Variants in B3GALT1 observed in about 807,000 individuals in gnomAD.
B3GALT1 encodes UDP-Gal:betaGlcNAc beta 1,3-galactosyltransferase, polypeptide 1.
Under a neutral mutation model 23.2 loss-of-function variants are expected in B3GALT1, and 10 were observed. The ratio of observed to expected loss-of-function variants is 0.43; its 90% confidence interval spans 0.27 to 0.73. The LOEUF is 0.73. B3GALT1 is among the 30% of genes least tolerant of loss of function. The probability of loss-of-function intolerance (pLI) is 0.21; values close to 1 mark genes in which losing one functional copy is unlikely to be tolerated. For missense variants in B3GALT1, 299 were observed against 405.4 expected, an observed-to-expected ratio of 0.74 and a Z score of 2.25; for synonymous variants, 156 against 141.5, an observed-to-expected ratio of 1.10 and a Z score of -0.73.
chr2:167,688,135 C>A (rs541507499), intron 3 of B3GALT1, among the ~76,000 whole-genome samples: 1 of 152,200 alleles, frequency 6.6e-6, no homozygotes, highest in South Asian at 2.1e-4. Flanking sequence ...ATATCAGATA[C>A]ACTTGGATTC....
intron 2 of B3GALT1, among the ~76,000 whole-genome samples, chr2:167,542,152 ACTTAT>A (rs1464112553): frequency 2.0e-5 from 3 of 151,898 alleles, no homozygotes; most frequent in Non-Finnish European, 4.4e-5. Context: ...TAAATGTTTC[ACTTAT>A]CTTGTATAAA....
intron 1 of B3GALT1, among the ~76,000 whole-genome samples, chr2:167,356,320 A>G (rs1697403207): frequency 6.6e-6 from 1 of 152,238 alleles, no homozygotes; most frequent in African/African-American, 2.4e-5. Context: ...GCCCTTGGCC[A>G]TAATTTGAAG....
At chr2:167,629,850 T>C (rs1297664162) in intron 2 of B3GALT1, among the ~76,000 whole-genome samples, 2 of 151,758 alleles carry the variant, frequency 1.3e-5, no homozygotes. Context: ...AGCTGACCTT[T>C]TGTGGTGACA....
At chr2:167,341,975 C>G (rs901254154) in intron 1 of B3GALT1, among the ~76,000 whole-genome samples, 1 of 152,144 alleles carries the variant, frequency 6.6e-6, no homozygotes. Flanking sequence ...CATTACTTGC[C>G]TGGCCGGACC....
intron 2 of B3GALT1, among the ~76,000 whole-genome samples, chr2:167,644,732 A>G (rs905146008): frequency 6.8e-6 from 1 of 147,382 alleles, no homozygotes; most frequent in Non-Finnish European, 1.5e-5. Context: ...GTGAGCCAAG[A>G]TCGCACCACT....
chr2:167,670,165 A>T (rs1247850331), intron 3 of B3GALT1, among the ~76,000 whole-genome samples: 4 of 152,226 alleles, frequency 2.6e-5, no homozygotes, highest in African/African-American at 9.6e-5. Flanking sequence ...GCATGAGTTC[A>T]TACAGACAGG....
At chr2:167,513,460 G>C (rs1010368760) in intron 2 of B3GALT1, among the ~76,000 whole-genome samples, 2 of 152,114 alleles carry the variant, frequency 1.3e-5, no homozygotes, top group African/African-American at 4.8e-5. Context: ...ACATTTTTGA[G>C]ACAATATGGA....
chr2:167,421,320 T>C (rs1698543992), intron 1 of B3GALT1, among the ~76,000 whole-genome samples: 1 of 152,186 alleles, frequency 6.6e-6, no homozygotes, highest in Non-Finnish European at 1.5e-5. Flanking sequence ...CTTTCCATTA[T>C]CACAAAAAGT....
At chr2:167,753,173 T>C (rs779661989) in intron 3 of B3GALT1, among the ~76,000 whole-genome samples, 3 of 152,222 alleles carry the variant, frequency 2.0e-5, no homozygotes, top group Non-Finnish European at 4.4e-5. Context: ...TTTAGGATTA[T>C]GAGCAGTACT....
At chr2:167,835,656 T>C (rs1290454804) in intron 4 of B3GALT1, among the ~76,000 whole-genome samples, 1 of 152,236 alleles carries the variant, frequency 6.6e-6, no homozygotes, top group East Asian at 1.9e-4. Context: ...TAAATGTCCC[T>C]GTCTGACAGC....
At chr2:167,820,109 C>T (rs892721519) in intron 4 of B3GALT1, among the ~76,000 whole-genome samples, 2 of 152,002 alleles carry the variant, frequency 1.3e-5, no homozygotes, top group African/African-American at 4.8e-5. Flanking sequence ...TATATGAAGC[C>T]GATTGGGTAC....
chr2:167,343,180 T>G (rs1315191311), intron 1 of B3GALT1, among the ~76,000 whole-genome samples: 1 of 152,130 alleles, frequency 6.6e-6, no homozygotes, highest in African/African-American at 2.4e-5. Flanking sequence ...ATGGAAATAG[T>G]AACCAGGGAA....
intron 3 of B3GALT1, chr2:167,714,710 T>C (rs1164922798): frequency 6.2e-7 from 1 of 1,613,798 alleles, no homozygotes; most frequent in Non-Finnish European, 8.5e-7. Context: ...GGAAATAACC[T>C]GCTTTTGATA....
intron 4 of B3GALT1, among the ~76,000 whole-genome samples, chr2:167,853,676 G>T (rs1043631730): frequency 1.3e-5 from 2 of 152,134 alleles, no homozygotes; most frequent in Non-Finnish European, 2.9e-5. Context: ...ATAACAAGTT[G>T]TCAGCATGTC....
chr2:167,561,585 A>C (rs1574138312), intron 2 of B3GALT1, among the ~76,000 whole-genome samples: 1 of 152,170 alleles, frequency 6.6e-6, no homozygotes, highest in Admixed American at 6.5e-5. Context: ...AAAAAGAGAG[A>C]AGAATCAAAT....
intron 3 of B3GALT1, among the ~76,000 whole-genome samples, chr2:167,764,915 G>C (rs1472673987): frequency 1.6e-4 from 24 of 152,108 alleles, no homozygotes. Context: ...CAGAGAAAAG[G>C]AGGTTCGGGA....
chr2:167,562,959 G>T (rs1344234633), intron 2 of B3GALT1, among the ~76,000 whole-genome samples: 2 of 152,102 alleles, frequency 1.3e-5, no homozygotes, highest in African/African-American at 4.8e-5. Flanking sequence ...AGAGCACAGG[G>T]TTGGGGGCAA....
chr2:167,486,094 G>T (rs1191340584), intron 1 of B3GALT1, among the ~76,000 whole-genome samples: 2 of 152,208 alleles, frequency 1.3e-5, no homozygotes, highest in African/African-American at 4.8e-5. Flanking sequence ...GGACGTGGTG[G>T]CTCACACCTG....
At chr2:167,612,806 C>G (rs954117747) in intron 2 of B3GALT1, among the ~76,000 whole-genome samples, 13 of 151,898 alleles carry the variant, frequency 8.6e-5, no homozygotes, top group African/African-American at 3.1e-4. Flanking sequence ...TGAAGATTTA[C>G]TAGCTTGAGC....
Sources: gnomAD v4.1 joint callset for allele counts (sites outside exome capture counted in the v4.1 genomes callset) on GRCh38, gnomAD v4.1.1 for gene constraint, MANE v1.5 for transcripts, NCBI Gene and HGNC (gene_info 2026-07-23, HGNC 2026-07-21) for gene names.